UBR2: variants seen among roughly 807,000 people sequenced by gnomAD.
UBR2 encodes E3 ubiquitin-protein ligase UBR2.
In UBR2, 92 loss-of-function variants were observed where a neutral mutation model predicts 247.9. The ratio of observed to expected loss-of-function variants is 0.37; its 90% CI spans 0.31 to 0.44. The LOEUF is 0.44. Ranked by LOEUF, UBR2 falls within the 20% of genes least tolerant of loss-of-function variation. UBR2 has a pLI of 1.00. For synonymous variants in UBR2, 672 were observed against 693.5 expected, an observed-to-expected ratio of 0.97 and a Z score of 0.49; for missense variants, 1,613 against 2,112.6, an observed-to-expected ratio of 0.76 and a Z score of 4.64.
intron 2 of UBR2, among the ~76,000 whole-genome samples, chr6:42,590,948 A>C (rs1448342260): frequency 1.3e-5 from 2 of 152,246 alleles, no homozygotes; most frequent in Admixed American, 1.3e-4. Flanking sequence ...GACATAGATG[A>C]GTGGAATAGA....
At chr6:42,581,625 C>T (rs568374815) in intron 2 of UBR2, among the ~76,000 whole-genome samples, 1 of 152,148 alleles carries the variant, frequency 6.6e-6, no homozygotes, top group African/African-American at 2.4e-5. Context: ...CTGCGCCCAC[C>T]CTGGTTCTAG....
At chr6:42,566,447 C>T (rs1790783184) in intron 1 of UBR2, among the ~76,000 whole-genome samples, 1 of 152,156 alleles carries the variant, frequency 6.6e-6, no homozygotes, top group Admixed American at 6.5e-5. Flanking sequence ...TGCAATGGCG[C>T]AATCTTGGCT....
intron 25 of UBR2, among the ~76,000 whole-genome samples, chr6:42,654,265 A>G (rs945196071): frequency 6.6e-6 from 1 of 152,204 alleles, no homozygotes; most frequent in Non-Finnish European, 1.5e-5. Flanking sequence ...TCAGCATTAC[A>G]TGAACAAAAG....
chr6:42,681,969 G>A (rs1799083349), intron 42 of UBR2, among the ~76,000 whole-genome samples: 1 of 152,216 alleles, frequency 6.6e-6, no homozygotes, highest in Admixed American at 6.5e-5. Flanking sequence ...AGCTACTCGG[G>A]AGGCTGAGGC....
At chr6:42,630,031 G>A (rs576857560) in intron 11 of UBR2, among the ~76,000 whole-genome samples, 10 of 152,028 alleles carry the variant, frequency 6.6e-5, no homozygotes, top group Non-Finnish European at 8.8e-5. Flanking sequence ...CAAGTAGCTG[G>A]AACTATAGAC....
chr6:42,603,605 A>G lies in UBR2; in HGVS notation c.549A>G (p.Leu183=), dbSNP rs1467771423. The part of the protein sequence containing the change: ...IEEEEDPLVH[L]SEDVIARTYN... ...TCTTTCAGGATCCTCTTGTTCATTT[A>G]TCAGAAGATGTGATAGCAAGAACTT... The change falls in exon 5 of 47, where the codon TTA becomes TTG. Residue 183 remains leucine, a synonymous_variant. Coordinates refer to ENST00000372901, the MANE Select transcript of UBR2 (RefSeq NM_001363705.2). 6.4e-7 allele frequency: 1 copy of G among 1,570,034 alleles called. No homozygotes were observed. The highest frequency in any genetic ancestry group is 1.4e-5 in the African/African-American group (1 of 71,634).
rs771226048 is a variant in UBR2, at chr6:42,641,576, A to G, written c.1921-6A>G. ...TTTTCTGTTTTTTTATTTTTTGTAT[A>G]TATAGAGTGAACTTAGCCCACCCAT... On this transcript the variant is annotated splice_polypyrimidine_tract_variant and splice_region_variant and intron_variant, in intron 16 of 46. Coordinates refer to ENST00000372901, the MANE Select transcript of UBR2 (RefSeq NM_001363705.2). The G allele has an allele frequency of 6.3e-7, 1 of 1,585,614 alleles. No individual in the cohort carries two copies. The highest frequency in any genetic ancestry group is 8.5e-7 in the Non-Finnish European group (1 of 1,170,040).
At chr6:42,567,180 T>C (rs1790828943) in intron 1 of UBR2, among the ~76,000 whole-genome samples, 1 of 151,578 alleles carries the variant, frequency 6.6e-6, no homozygotes, top group Non-Finnish European at 1.5e-5. Flanking sequence ...ACACACCGCT[T>C]TTCTTATTCC....
At chr6:42,614,722 C>CT (rs768298790) in intron 8 of UBR2, among the ~76,000 whole-genome samples, 83 of 152,154 alleles carry the variant, frequency 5.5e-4, no homozygotes, top group South Asian at 2.3e-3. Flanking sequence ...ATGTATAACA[C>CT]TTTCACTGTA....
rs779757707 is a variant in UBR2, at chr6:42,652,048, A to G, written c.2591A>G (p.Lys864Arg). 1.9e-6 allele frequency: 3 copies of G among 1,592,136 alleles called. No homozygotes were observed. The highest frequency in any genetic ancestry group is 2.6e-6 in the Non-Finnish European group (3 of 1,172,430). Residue 864 changes from lysine (K) to arginine (R), a missense_variant, in exon 24 of 47, where the codon AAA becomes AGA. By Grantham distance (26) the Lys-to-Arg change is conservative. Coordinates refer to ENST00000372901, the MANE Select transcript of UBR2 (RefSeq NM_001363705.2). ...GCAGAAGAAGCGCAACGGAAATTGA[A>G]AAGACAAAATAGAGAAGATACAGGT... ...SKAEEAQRKLKRQNREDTALP... is the reference protein window; with the variant it reads ...SKAEEAQRKLRRQNREDTALP...
chr6:42,612,197 A>G lies in UBR2; in HGVS notation c.891A>G (p.Pro297=). 1 of 1,550,460 alleles carries G rather than the reference A, an allele frequency of 6.4e-7. No homozygotes were observed. Among genetic ancestry groups the G allele is most frequent in the Non-Finnish European group, 8.8e-7 (1 of 1,133,942 alleles). ...GAAATACCAGTAGACAGACAAAGCC[A>G]CTCAAAGTTCAAGTTATGCATTCGT... The part of the protein sequence containing the change: ...IVRNTSRQTK[P]LKVQVMHSSI... Residue 297 remains proline (P), a synonymous_variant, in exon 8 of 47, where the codon CCA becomes CCG. Transcript: ENST00000372901.
Position 42,605,810 on chromosome 6 carries a change from A to G in UBR2, c.752A>G (p.Asn251Ser), listed in dbSNP as rs1793660714. ...ATTTATACTCTTCAGAAAGCTGTTA[A>G]CTGTACACAAAAAGAAGCTATTGGT... ...QVIYTLQKAV[N>S]CTQKEAIGFA... The change falls in exon 6 of 47, where the codon AAC (asparagine) becomes AGC (serine). Residue 251 changes from asparagine to serine, a missense_variant. Physicochemically the swap from Asn to Ser is conservative, Grantham distance 46. Transcript: ENST00000372901. 1 of 1,613,050 alleles carries G rather than the reference A, an allele frequency of 6.2e-7. No homozygotes were observed. The highest frequency in any genetic ancestry group is 1.3e-5 in the African/African-American group (1 of 74,910).
chr6:42,670,550 G>T, intron 35 of UBR2, 110 bp from the exon 36 acceptor site: 1 of 787,514 alleles, frequency 1.3e-6, no homozygotes. Flanking sequence ...TCTGAAACTT[G>T]ACAATATTGT....
intron 4 of UBR2, among the ~76,000 whole-genome samples, chr6:42,599,645 T>TTTTTGTTTTG (rs201361834): frequency 6.6e-6 from 1 of 151,940 alleles, no homozygotes; most frequent in African/African-American, 2.4e-5. Flanking sequence ...TATGCTTTTG[T>TTTTTGTTTTG]TTTTGTTTTG....
At chr6:42,653,997 T>C (rs540712293) in intron 25 of UBR2, among the ~76,000 whole-genome samples, 2 of 152,156 alleles carry the variant, frequency 1.3e-5, no homozygotes, top group African/African-American at 2.4e-5. Flanking sequence ...CTAAAGATGA[T>C]GACTTGGGCT....
chr6:42,652,360 G>A (rs1309686575), intron 24 of UBR2, 131 bp from the exon 25 acceptor site: 1 of 1,129,526 alleles, frequency 8.9e-7, no homozygotes, highest in Non-Finnish European at 1.2e-6. Flanking sequence ...TTGACCTTGA[G>A]AATGTAAAAT....
chr6:42,603,027 C>G (rs1004806977), intron 4 of UBR2, among the ~76,000 whole-genome samples: 2 of 152,216 alleles, frequency 1.3e-5, no homozygotes, highest in South Asian at 4.1e-4. Flanking sequence ...CTCACTCTTA[C>G]GTCTAGTGTA....
rs552932092 is a variant in UBR2 at position 42,629,741 on chromosome 6, T to C, written c.1282-2811T>C. Among the ~76,000 whole-genome samples, 11 of 152,308 alleles carry C rather than the reference T, an allele frequency of 7.2e-5. No homozygotes were observed. The South Asian group carries it at 1.2e-3, about 17-fold the overall frequency. ...TAAATACCAAATAATGTCTGGTATTTAATGTTGAAAATTACTTTGAAAGGT... is the reference window on the plus strand; with the variant it reads ...TAAATACCAAATAATGTCTGGTATTCAATGTTGAAAATTACTTTGAAAGGT... On this transcript the variant is annotated intron_variant, in intron 11 of 46. Transcript: ENST00000372901.
chr6:42,660,090 T>C (rs929960060), intron 30 of UBR2, among the ~76,000 whole-genome samples: 4 of 152,198 alleles, frequency 2.6e-5, no homozygotes, highest in African/African-American at 9.7e-5. Context: ...CTTTTCTTTG[T>C]GATGTAACAT....
Sources: gnomAD v4.1 joint callset for allele counts (sites outside exome capture counted in the v4.1 genomes callset) on GRCh38, gnomAD v4.1.1 for gene constraint, MANE v1.5 for transcripts, NCBI Gene and HGNC (gene_info 2026-07-23, HGNC 2026-07-21) for gene names.